Variants in TBC1D32 observed in about 807,000 individuals in gnomAD.
TBC1D32 encodes the protein protein broad-minded.
Under a neutral mutation model 170.3 loss-of-function variants are expected in TBC1D32, and 151 were observed. That is an observed-to-expected ratio of 0.89 (90% confidence interval 0.78 to 1.01). The LOEUF (loss-of-function observed/expected upper bound fraction) is 1.01, where lower values mean the gene tolerates loss of function less well. Ranked by LOEUF, TBC1D32 falls within the 50% of genes least tolerant of loss-of-function variation. The probability of loss-of-function intolerance (pLI) is 0.00; values close to 1 mark genes in which losing one functional copy is unlikely to be tolerated. For synonymous variants in TBC1D32, 498 were observed against 488.0 expected, an observed-to-expected ratio of 1.02 and a Z score of -0.27; for missense variants, 1,464 against 1,457.1, an observed-to-expected ratio of 1.00 and a Z score of -0.08.
chr6:121,285,925 G>C (rs1246678844), intron 12 of TBC1D32, among the ~76,000 whole-genome samples: 3 of 152,188 alleles, frequency 2.0e-5, no homozygotes, highest in African/African-American at 7.2e-5. Context: ...GTAGCTGAGG[G>C]TCCTGACTGT....
intron 3 of TBC1D32, among the ~76,000 whole-genome samples, chr6:121,311,183 T>G (rs537994701): frequency 2.8e-4 from 42 of 152,158 alleles, no homozygotes; most frequent in African/African-American, 1.0e-3. Context: ...ACAAAACAAG[T>G]AAAAAAAGAG....
At chr6:121,278,505 T>C (rs1664103156) in intron 15 of TBC1D32, among the ~76,000 whole-genome samples, 1 of 152,132 alleles carries the variant, frequency 6.6e-6, no homozygotes, top group Non-Finnish European at 1.5e-5. Context: ...TGCAGTGTTA[T>C]TTATGGAGAG....
chr6:121,247,611 G>T (rs2128375974), intron 17 of TBC1D32, among the ~76,000 whole-genome samples: 1 of 139,982 alleles, frequency 7.1e-6, no homozygotes, highest in East Asian at 2.1e-4. Flanking sequence ...GAGGTAAAGG[G>T]GTGAAAAAAG....
intron 24 of TBC1D32, among the ~76,000 whole-genome samples, chr6:121,149,298 T>A (rs1783896336): frequency 6.6e-6 from 1 of 152,186 alleles, no homozygotes; most frequent in Non-Finnish European, 1.5e-5. Flanking sequence ...TTTGCTGGAA[T>A]TGCTTTTGGT....
chr6:121,105,083 T>C (rs1778553671), intron 30 of TBC1D32, among the ~76,000 whole-genome samples: 1 of 151,900 alleles, frequency 6.6e-6, no homozygotes, highest in Non-Finnish European at 1.5e-5. Context: ...GTTGCTACTT[T>C]AAAATATCTA....
chr6:121,269,075 C>A (rs187178786), intron 15 of TBC1D32, among the ~76,000 whole-genome samples: 14,235 of 152,084 alleles, frequency 0.094, 1,158 homozygotes, highest in African/African-American at 0.22. Context: ...GAGATTTTGT[C>A]ACCACCAGGC....
intron 1 of TBC1D32, among the ~76,000 whole-genome samples, chr6:121,329,080 TTCA>T (rs1202027420): frequency 6.6e-6 from 1 of 152,210 alleles, no homozygotes; most frequent in African/African-American, 2.4e-5. Flanking sequence ...TGTCTGATTA[TTCA>T]TCAGTAGTAA....
chr6:121,084,544 T>A (rs1385928100), intron 31 of TBC1D32, among the ~76,000 whole-genome samples: 2 of 152,106 alleles, frequency 1.3e-5, no homozygotes, highest in Non-Finnish European at 2.9e-5. Context: ...GCCAGGAATA[T>A]AAGGGAGCCA....
chr6:121,212,057 C>A (rs1793141217), intron 21 of TBC1D32, among the ~76,000 whole-genome samples: 1 of 151,632 alleles, frequency 6.6e-6, no homozygotes, highest in Admixed American at 6.6e-5. Context: ...ACTGACCTAA[C>A]AGAAATACAA....
At chr6:121,126,545 T>A in intron 25 of TBC1D32, 84 bp from the exon 26 acceptor site, 3 of 985,058 alleles carry the variant, frequency 3.0e-6, no homozygotes, top group Non-Finnish European at 4.7e-6. Context: ...AACTAGTAGG[T>A]AAAAGTCATC....
In TBC1D32 at chr6:121,304,358, G is replaced by A; in HGVS notation, c.935+7C>T. 6.2e-7 allele frequency: 1 copy of A among 1,612,916 alleles called. No individual in the cohort carries two copies. The highest frequency in any genetic ancestry group is 8.5e-7 in the Non-Finnish European group (1 of 1,179,396). On this transcript the variant is annotated splice_region_variant and intron_variant, in intron 8 of 31. Coordinates refer to ENST00000398212, the MANE Select transcript of TBC1D32 (RefSeq NM_152730.6). ...TTTATGCTGGCATACATTGGGAGGG[G>A]ACTTACTTCTCTGGATGACGAATCC... is the stretch of plus-strand genomic sequence containing the variant.
intron 24 of TBC1D32, among the ~76,000 whole-genome samples, chr6:121,140,080 C>T (rs785399): frequency 0.27 from 41,060 of 151,892 alleles, 8,414 homozygotes; most frequent in African/African-American, 0.56. Context: ...GCAAATAATA[C>T]AGATGCAATA....
Position 121,126,364 on chromosome 6 carries a change from T to C in TBC1D32, c.2983+14A>G. 2 of 1,588,076 alleles carry C rather than the reference T, an allele frequency of 1.3e-6. No homozygotes were observed. The highest frequency in any genetic ancestry group is 1.7e-6 in the Non-Finnish European group (2 of 1,163,750). On this transcript the variant is annotated intron_variant, in intron 26 of 31. Transcript: ENST00000398212. The stretch of plus-strand genomic sequence containing the variant: ...ACTGAGTCTTTTTCAAACTTCACAA[T>C]GTTTAAAATGTACCTGTATACTCCA...
intron 21 of TBC1D32, among the ~76,000 whole-genome samples, chr6:121,209,611 G>T (rs1283405686): frequency 1.3e-5 from 2 of 152,000 alleles, no homozygotes; most frequent in Non-Finnish European, 2.9e-5. Flanking sequence ...ATTTCATTTA[G>T]CATAAGGCAC....
At chr6:121,330,188 T>G in intron 1 of TBC1D32, among the ~76,000 whole-genome samples, 1 of 152,118 alleles carries the variant, frequency 6.6e-6, no homozygotes, top group East Asian at 1.9e-4. Flanking sequence ...CACATGCCAC[T>G]GCACCCAACT....
intron 22 of TBC1D32, among the ~76,000 whole-genome samples, chr6:121,202,731 G>A (rs1474787467): frequency 6.6e-6 from 1 of 151,140 alleles, no homozygotes; most frequent in Non-Finnish European, 1.5e-5. Flanking sequence ...GTTGGAAGAG[G>A]GAGAAAAGGC....
chr6:121,139,138 G>T (rs143732632), intron 24 of TBC1D32, among the ~76,000 whole-genome samples: 3,764 of 152,208 alleles, frequency 0.025, 168 homozygotes, highest in East Asian at 0.13. Flanking sequence ...GAGCTACCGT[G>T]CCCAGCCATA....
At chr6:121,135,522 T>C (rs1397566032) in intron 24 of TBC1D32, among the ~76,000 whole-genome samples, 2 of 152,158 alleles carry the variant, frequency 1.3e-5, no homozygotes. Flanking sequence ...TCCACTTTCT[T>C]CCTGGAGGTT....
intron 30 of TBC1D32, among the ~76,000 whole-genome samples, chr6:121,091,344 T>C (rs1776777132): frequency 6.6e-6 from 1 of 152,150 alleles, no homozygotes; most frequent in African/African-American, 2.4e-5. Context: ...AAAACACCAA[T>C]CTGCTCTCTA....
Sources: gnomAD v4.1 joint callset for allele counts (sites outside exome capture counted in the v4.1 genomes callset) on GRCh38, gnomAD v4.1.1 for gene constraint, MANE v1.5 for transcripts, NCBI Gene and HGNC (gene_info 2026-07-23, HGNC 2026-07-21) for gene names.